The following USP34 variants were observed in gnomAD, a reference collection of about 807,000 sequenced individuals.
USP34 encodes the protein ubiquitin specific peptidase 34.
Under a neutral mutation model 460.3 loss-of-function variants are expected in USP34, and 70 were observed. The ratio of observed to expected loss-of-function variants is 0.15; its 90% CI spans 0.13 to 0.19. USP34 has a LOEUF of 0.19. Ranked by LOEUF, USP34 falls within the 10% of genes least tolerant of loss-of-function variation. The pLI, the probability that USP34 is intolerant of heterozygous loss-of-function variation, is 1.00. For synonymous variants in USP34, 1,647 were observed against 1,405.3 expected, an observed-to-expected ratio of 1.17 and a Z score of -3.85; for missense variants, 3,985 against 4,236.2, an observed-to-expected ratio of 0.94 and a Z score of 1.65.
chr2:61,305,412 T>G (rs1011856385), intron 27 of USP34, among the ~76,000 whole-genome samples: 11 of 151,880 alleles, frequency 7.2e-5, no homozygotes, highest in Non-Finnish European at 1.2e-4. Flanking sequence ...AATAAACTTG[T>G]GATGAACAGC....
chr2:61,321,094 C>G (rs897293345), intron 21 of USP34, among the ~76,000 whole-genome samples: 2 of 151,836 alleles, frequency 1.3e-5, no homozygotes, highest in Non-Finnish European at 2.9e-5. Flanking sequence ...GAAGGCTCTT[C>G]GAGCCCAGGA....
intron 29 of USP34, among the ~76,000 whole-genome samples, chr2:61,300,111 G>A (rs191124294): frequency 5.3e-5 from 8 of 152,278 alleles, no homozygotes; most frequent in Admixed American, 1.3e-4. Flanking sequence ...ATGCTTTACT[G>A]ACTTTGTTAC....
chr2:61,269,866 G>C (rs1158970691), intron 41 of USP34, among the ~76,000 whole-genome samples: 1 of 151,630 alleles, frequency 6.6e-6, no homozygotes. Flanking sequence ...ATGAAATCAG[G>C]GTATTTGGAA....
chr2:61,429,054 G>A (rs554877932), intron 1 of USP34, among the ~76,000 whole-genome samples: 8 of 152,232 alleles, frequency 5.3e-5, no homozygotes, highest in Non-Finnish European at 1.0e-4. Context: ...AAAAGGATGC[G>A]CTTTGGGAAG....
At chr2:61,198,379 T>TA (rs755852866) in intron 75 of USP34, among the ~76,000 whole-genome samples, 28 of 152,190 alleles carry the variant, frequency 1.8e-4, no homozygotes, top group South Asian at 2.1e-4. Context: ...CTCCTACTGA[T>TA]AGACATTTGG....
At chr2:61,323,242 C>T (rs1230758127) in intron 21 of USP34, among the ~76,000 whole-genome samples, 4 of 152,012 alleles carry the variant, frequency 2.6e-5, no homozygotes, top group South Asian at 2.1e-4. Flanking sequence ...CTGGGCGCAG[C>T]GGCTCACGCC....
intron 22 of USP34, 23 bp downstream of exon 22, chr2:61,319,150 C>G: frequency 6.6e-7 from 1 of 1,520,684 alleles, no homozygotes. Flanking sequence ...AAAATAATAA[C>G]AAACTGAGAG....
chr2:61,429,173 C>T (rs950211172), intron 1 of USP34, among the ~76,000 whole-genome samples: 13 of 152,140 alleles, frequency 8.5e-5, no homozygotes, highest in African/African-American at 3.1e-4. Context: ...TTTGGCCAGG[C>T]ACAGTGGCTC....
rs762462965 is a variant in USP34, at chr2:61,212,107, G to A, written c.8683-178C>T. 6.6e-5 allele frequency among the ~76,000 whole-genome samples: 10 copies of A among 152,146 alleles called. No individual in the cohort carries two copies. The East Asian group carries it at 7.7e-4, about 12-fold the overall frequency. ...TCTATTTAAAAAATTTTGGCTGGGC[G>A]CAGTGGCTGATGCCTAGCACTTTGG... On this transcript the variant is annotated intron_variant, in intron 68 of 79. Transcript: ENST00000398571.
chr2:61,464,874 T>A (rs1458353016), intron 1 of USP34, among the ~76,000 whole-genome samples: 2 of 152,106 alleles, frequency 1.3e-5, no homozygotes, highest in Non-Finnish European at 2.9e-5. Context: ...CTCACCAAGA[T>A]CTAGAAATGC....
rs1339627240 is a variant in USP34, at chr2:61,204,545, G to C, written c.9211C>G (p.Pro3071Ala). Reference protein sequence around the residue: ...SPHDFLHTLVPFLQHNHCTYH... With the variant: ...SPHDFLHTLVAFLQHNHCTYH... Reference sequence around the variant, plus strand: ...GTACAATGGTTGTGTTGTAGAAAGGGAACCAGAGTATGAAGAAAATCATGG... The same window carrying C: ...GTACAATGGTTGTGTTGTAGAAAGGCAACCAGAGTATGAAGAAAATCATGG... Residue 3071 changes from proline to alanine, a missense_variant, in exon 73 of 80, where the codon CCC becomes GCC. Coordinates refer to ENST00000398571, the MANE Select transcript of USP34 (RefSeq NM_014709.4). 6.2e-7 allele frequency: 1 copy of C among 1,614,108 alleles called. No individual in the cohort carries two copies. The highest frequency in any genetic ancestry group is 1.7e-5 in the Admixed American group (1 of 60,022).
intron 23 of USP34, among the ~76,000 whole-genome samples, chr2:61,315,872 A>G (rs1468171932): frequency 6.6e-6 from 1 of 152,150 alleles, no homozygotes; most frequent in Non-Finnish European, 1.5e-5. Flanking sequence ...ACAGAGCACG[A>G]CTACTTCAGT....
intron 3 of USP34, among the ~76,000 whole-genome samples, chr2:61,403,692 C>G (rs1693784984): frequency 6.6e-6 from 1 of 151,984 alleles, no homozygotes; most frequent in Admixed American, 6.6e-5. Context: ...GAAAGTTTAT[C>G]AAAAAGCTTT....
intron 23 of USP34, among the ~76,000 whole-genome samples, 195 bp from the exon 24 acceptor site, chr2:61,315,169 A>C (rs1054576002): frequency 6.6e-6 from 1 of 152,238 alleles, no homozygotes; most frequent in African/African-American, 2.4e-5. Context: ...TATACAGCAG[A>C]TAACAATATA....
At chr2:61,388,679 CCGCGAGGCAGAG>C (rs578176694) in intron 5 of USP34, among the ~76,000 whole-genome samples, 289 of 152,010 alleles carry the variant, frequency 1.9e-3, no homozygotes, top group African/African-American at 6.7e-3. Flanking sequence ...TGGTGTGAAC[CCGCGAGGCAGAG>C]CTTGCAGTGA....
At chr2:61,262,546 A>G (rs1268563723) in intron 43 of USP34, among the ~76,000 whole-genome samples, 1 of 152,128 alleles carries the variant, frequency 6.6e-6, no homozygotes, top group Non-Finnish European at 1.5e-5. Flanking sequence ...ATAGTGTTCT[A>G]TGCTGTATAT....
chr2:61,318,720 C>G (rs1690826493), intron 22 of USP34, among the ~76,000 whole-genome samples: 1 of 150,020 alleles, frequency 6.7e-6, no homozygotes, highest in South Asian at 2.1e-4. Flanking sequence ...AATATGCCTT[C>G]CCACAATCTA....
Position 61,394,969 on chromosome 2 carries a change from C to A in USP34, c.637G>T (p.Val213Leu). The part of the protein sequence containing the change: ...VEVPLHLLRY[V>L]CLFCGKNGLS... ...CCATTTTTCCCACAAAACAAACATACATAACGAAGCAAATGCAATGGTACT... is the reference window on the plus strand; with the variant it reads ...CCATTTTTCCCACAAAACAAACATAAATAACGAAGCAAATGCAATGGTACT... The change falls in exon 5 of 80, where the codon GTA becomes TTA. Residue 213 changes from valine to leucine, a missense_variant. Val to Leu is a conservative substitution (Grantham distance 32). This residue lies in a region of USP34 where 331 missense variants were observed against 293.7 expected (regional missense o/e 1.13). Transcript: ENST00000398571. 6.2e-7 allele frequency: 1 copy of A among 1,602,668 alleles called. No individual in the cohort carries two copies.
chr2:61,402,536 A>G (rs909349781), intron 3 of USP34, among the ~76,000 whole-genome samples: 3 of 152,220 alleles, frequency 2.0e-5, no homozygotes, highest in Admixed American at 1.3e-4. Flanking sequence ...ATGCCCAATC[A>G]AATCTTTTAA....
Sources: allele counts gnomAD v4.1 joint callset (sites outside exome capture counted in the v4.1 genomes callset), GRCh38; gene constraint gnomAD v4.1.1; regional missense constraint gnomAD v4.1.1; transcripts MANE v1.5; gene names NCBI Gene and HGNC (gene_info 2026-07-23, HGNC 2026-07-21).